Variants in LAMB4 observed in about 807,000 individuals in gnomAD.
The protein encoded by LAMB4 is laminin subunit beta 4.
A neutral mutation model predicts 199.2 loss-of-function variants in LAMB4; 196 were observed. That is an observed-to-expected ratio of 0.98 (90% CI 0.88 to 1.11). The LOEUF (loss-of-function observed/expected upper bound fraction) is 1.11, where lower values mean the gene tolerates loss of function less well. Among genes scored for constraint, LAMB4 ranks in the 50% least tolerant of loss-of-function variants. The probability of loss-of-function intolerance (pLI) is 0.00; values close to 1 mark genes in which losing one functional copy is unlikely to be tolerated. For synonymous variants in LAMB4, 744 were observed against 770.6 expected (o/e 0.97, Z 0.57); for missense variants, 2,080 against 2,171.2 (o/e 0.96, Z 0.83).
In LAMB4 at chr7:108,048,106, G is replaced by A. The variant is rs1463939495; in HGVS notation, c.4128C>T (p.Cys1376=). ...PDIQILNEKV[C]GDPGNVPCVP... ...CACATGGCACATTTCCTGGATCTCC[G>A]CACACCTTGCAAGAGAAATGATTTA... Residue 1376 remains cysteine (C), a synonymous_variant, in exon 28 of 34, where the codon TGC becomes TGT. Coordinates refer to ENST00000388781, the MANE Select transcript of LAMB4 (RefSeq NM_007356.3). 27 of 1,575,828 alleles carry A rather than the reference G, an allele frequency of 1.7e-5. No homozygotes were observed. Among genetic ancestry groups the A allele is most frequent in the African/African-American group, 9.7e-5 (7 of 71,866 alleles).
Position 108,106,529 on chromosome 7 carries a change from G to C in LAMB4, c.635C>G (p.Pro212Arg), listed in dbSNP as rs775685537. ...CATACCTTGGATGTAGGGGCTATAA[G>C]GGTTTTCAATTTCAAAACTGGGATC... ...VLDPSFEIEN[P>R]YSPYIQDLVT... The change falls in exon 7 of 34, where the codon CCT (proline) becomes CGT (arginine). Residue 212 changes from proline (P) to arginine (R), a missense_variant. Transcript: ENST00000388781. The C allele has an allele frequency of 1.3e-6, 2 of 1,583,990 alleles. No individual in the cohort carries two copies. Among genetic ancestry groups the C allele is most frequent in the South Asian group, 2.2e-5 (2 of 89,356 alleles).
At chr7:108,030,122 A>C (rs533114714) in intron 32 of LAMB4, among the ~76,000 whole-genome samples, 108 of 152,024 alleles carry the variant, frequency 7.1e-4, no homozygotes, top group South Asian at 1.5e-3. Flanking sequence ...GTCTCACAAA[A>C]AAAAAAAAAA....
At chr7:108,126,857 C>T (rs1241821597) in intron 1 of LAMB4, among the ~76,000 whole-genome samples, 1 of 152,056 alleles carries the variant, frequency 6.6e-6, no homozygotes, top group Non-Finnish European at 1.5e-5. Context: ...CGTGAGCCAC[C>T]GCGCCCGGCC....
At chr7:108,068,359 T>A (rs2036416656) in intron 18 of LAMB4, among the ~76,000 whole-genome samples, 200 bp from the exon 19 acceptor site, 1 of 152,190 alleles carries the variant, frequency 6.6e-6, no homozygotes, top group Non-Finnish European at 1.5e-5. Context: ...TGCGAAGTAG[T>A]TAGAATAGTG....
intron 28 of LAMB4, among the ~76,000 whole-genome samples, chr7:108,044,955 C>CAAAAAAAAAAAAA (rs756256335): frequency 3.5e-5 from 2 of 56,516 alleles, no homozygotes; most frequent in African/African-American, 7.7e-5. Context: ...ATTCTTGTCT[C>CAAAAAAAAAAAAA]AAAAAAAAAA....
downstream of LAMB4, among the ~76,000 whole-genome samples, chr7:108,022,638 T>C (rs2034716274): frequency 6.6e-6 from 1 of 152,218 alleles, no homozygotes; most frequent in Admixed American, 6.5e-5. Context: ...ATTGTAATTA[T>C]ATACTTCAAG....
intron 33 of LAMB4, among the ~76,000 whole-genome samples, chr7:108,027,696 G>GT (rs2034885088): frequency 6.6e-6 from 1 of 152,206 alleles, no homozygotes; most frequent in African/African-American, 2.4e-5. Context: ...GTTAGAGATA[G>GT]TTAAGGACAT....
chr7:108,052,268 A>G lies in LAMB4; in HGVS notation c.3756-11T>C, dbSNP rs781158012. 1.3e-6 allele frequency: 2 copies of G among 1,562,916 alleles called. No individual in the cohort carries two copies. Among genetic ancestry groups the G allele is most frequent in the Non-Finnish European group, 1.7e-6 (2 of 1,151,316 alleles). On this transcript the variant is annotated splice_polypyrimidine_tract_variant and intron_variant, in intron 25 of 33. Transcript: ENST00000388781. ...TGCATGATTTGTCTTCTATAGAGGAAATAAGGGTAAATGTAGTTAAGCTTG... is the reference window on the plus strand; with the variant it reads ...TGCATGATTTGTCTTCTATAGAGGAGATAAGGGTAAATGTAGTTAAGCTTG...
At chr7:108,121,053 T>C (rs1244218159) in intron 2 of LAMB4, among the ~76,000 whole-genome samples, 3 of 152,368 alleles carry the variant, frequency 2.0e-5, no homozygotes, top group East Asian at 3.9e-4. Flanking sequence ...ATATCCTTCC[T>C]GGGATGAAGT....
At chr7:108,059,348 G>A (rs962001891) in intron 23 of LAMB4, among the ~76,000 whole-genome samples, 27 of 151,848 alleles carry the variant, frequency 1.8e-4, no homozygotes, top group African/African-American at 6.0e-4. Flanking sequence ...GTGTCCTTAC[G>A]AAATTGCACA....
At chr7:108,061,347 TTAA>T (rs1194473950) in intron 23 of LAMB4, among the ~76,000 whole-genome samples, 1 of 152,312 alleles carries the variant, frequency 6.6e-6, no homozygotes, top group East Asian at 1.9e-4. Context: ...ATATAAGGTG[TTAA>T]TAATAGAAGA....
chr7:108,027,336 C>T (rs1355758362), intron 33 of LAMB4, among the ~76,000 whole-genome samples: 5 of 151,966 alleles, frequency 3.3e-5, no homozygotes, highest in Non-Finnish European at 5.9e-5. Flanking sequence ...AAAAAATTAC[C>T]CACAAGCCTG....
At chr7:108,092,622 A>G (rs997745853) in intron 12 of LAMB4, among the ~76,000 whole-genome samples, 3 of 152,186 alleles carry the variant, frequency 2.0e-5, no homozygotes, top group African/African-American at 7.2e-5. Flanking sequence ...GTAAGGGGAC[A>G]GGGCTGGGTG....
chr7:108,014,415 A>G, the LAMB4 span, among the ~76,000 whole-genome samples: 5 of 151,436 alleles, frequency 3.3e-5, no homozygotes, highest in Non-Finnish European at 7.4e-5. Flanking sequence ...TCCTGTGCTC[A>G]TATGTTCCAA....
chr7:108,065,565 A>T (rs1005039776), intron 21 of LAMB4, among the ~76,000 whole-genome samples, 197 bp downstream of exon 21: 2 of 152,166 alleles, frequency 1.3e-5, no homozygotes, highest in Admixed American at 6.5e-5. Flanking sequence ...TCAGTGGCTG[A>T]TGAGTTTTAA....
intron 1 of LAMB4, among the ~76,000 whole-genome samples, chr7:108,124,591 G>A (rs1170095795): frequency 2.0e-5 from 3 of 151,660 alleles, no homozygotes; most frequent in Non-Finnish European, 4.4e-5. Flanking sequence ...CTTATAACCA[G>A]ACTGTGAGCA....
intron 17 of LAMB4, among the ~76,000 whole-genome samples, chr7:108,072,379 C>G (rs2036562866): frequency 6.6e-6 from 1 of 151,984 alleles, no homozygotes; most frequent in South Asian, 2.1e-4. Context: ...TCCATACTTT[C>G]CTTTTGTTTT....
In LAMB4 at chr7:108,094,869, T is replaced by A. The variant is rs144784127; in HGVS notation, c.1470+359A>T. On this transcript the variant is annotated intron_variant, in intron 12 of 33. Transcript: ENST00000388781. ...GGAGTGGTAGGGATGATAAGGGGAT[T>A]GTGTACAAGGGATAGAAGAAAGTTC... is the stretch of plus-strand genomic sequence containing the variant. 5.1e-3 allele frequency among the ~76,000 whole-genome samples: 778 copies of A among 152,270 alleles called. 2 individuals are homozygous for A. Among genetic ancestry groups the A allele is most frequent in the Non-Finnish European group, 8.0e-3 (543 of 68,018 alleles).
chr7:108,018,637 G>A (rs1052636590), downstream of LAMB4, among the ~76,000 whole-genome samples: 1 of 152,070 alleles, frequency 6.6e-6, no homozygotes, highest in South Asian at 2.1e-4. Context: ...CCTAAGAGGC[G>A]GAGGTTGCAG....
Sources: gnomAD v4.1 joint callset for allele counts (sites outside exome capture counted in the v4.1 genomes callset) on GRCh38, gnomAD v4.1.1 for gene constraint, MANE v1.5 for transcripts, NCBI Gene and HGNC (gene_info 2026-07-23, HGNC 2026-07-21) for gene names.